Variants in PPP6C observed in about 807,000 individuals in gnomAD.
PPP6C encodes serine/threonine-protein phosphatase 6 catalytic subunit.
Under a neutral mutation model 39.8 loss-of-function variants are expected in PPP6C, and 11 were observed. The observed-to-expected ratio is 0.28, with a 90% CI of 0.17 to 0.46. PPP6C has a LOEUF of 0.46. Among genes scored for constraint, PPP6C ranks in the 20% least tolerant of loss-of-function variants. PPP6C has a pLI of 1.00. For synonymous variants in PPP6C, 129 were observed against 130.3 expected, an observed-to-expected ratio of 0.99 and a Z score of 0.07; for missense variants, 211 against 373.9, an observed-to-expected ratio of 0.56 and a Z score of 3.59.
At chr9:125,181,170 C>T (rs1473765394) in intron 1 of PPP6C, among the ~76,000 whole-genome samples, 2 of 152,160 alleles carry the variant, frequency 1.3e-5, no homozygotes, top group Non-Finnish European at 2.9e-5. Flanking sequence ...ATCAACTACA[C>T]TCACAGCGGC....
intron 1 of PPP6C, chr9:125,188,777 C>T: frequency 4.5e-6 from 1 of 220,096 alleles, no homozygotes; most frequent in Non-Finnish European, 7.8e-6. Context: ...GAGTGAGACT[C>T]TATCTCAGTT....
chr9:125,187,804 A>C (rs887205368), intron 1 of PPP6C, among the ~76,000 whole-genome samples: 9 of 151,974 alleles, frequency 5.9e-5, no homozygotes, highest in African/African-American at 2.2e-4. Context: ...TAGCAGAAAG[A>C]AGCCACAAAA....
rs1829525107 is a variant in PPP6C at position 125,186,074 on chromosome 9, G to GT, written c.75+3569dup. Among the ~76,000 whole-genome samples, 9 of 152,190 alleles carry GT rather than the reference G, an allele frequency of 5.9e-5. 2 individuals carry two copies. Among genetic ancestry groups the GT allele is most frequent in the African/African-American group, 2.2e-4 (9 of 41,452 alleles). On this transcript the variant is annotated intron_variant, in intron 1 of 6. Coordinates refer to ENST00000373547, the MANE Select transcript of PPP6C (RefSeq NM_002721.5). ...AAATTGTGATTAAATCTGGAACATCGTATGCATTTAGTATTTTATCTTCTA... is the reference window on the plus strand; with the variant it reads ...AAATTGTGATTAAATCTGGAACATCGTTATGCATTTAGTATTTTATCTTCTA...
intron 1 of PPP6C, among the ~76,000 whole-genome samples, chr9:125,177,550 GAAAAAGAA>G (rs1353252587): frequency 6.6e-6 from 1 of 151,866 alleles, no homozygotes; most frequent in Non-Finnish European, 1.5e-5. Context: ...GGGAAAAAAA[GAAAAAGAA>G]AAAAAGAAAA....
chr9:125,187,828 G>A lies in PPP6C; in HGVS notation c.75+1816C>T, dbSNP rs1002888176. ...GAAGCCACAAAAGGAATGTCTGAAG[G>A]ACTCAGATGAGCACAAATGCTACAT... On this transcript the variant is annotated intron_variant, in intron 1 of 6. Coordinates refer to ENST00000373547, the MANE Select transcript of PPP6C (RefSeq NM_002721.5). 2.0e-5 allele frequency among the ~76,000 whole-genome samples: 3 copies of A among 151,938 alleles called. No homozygotes were observed. The South Asian group carries it at 6.2e-4, about 32-fold the overall frequency.
rs150040909 is a variant in PPP6C at position 125,179,215 on chromosome 9, C to CAAAAAAAA, written c.76-8043_76-8036dup. Among the ~76,000 whole-genome samples, 81 of 127,316 alleles carry CAAAAAAAA rather than the reference C, an allele frequency of 6.4e-4. 6 individuals carry two copies. Among genetic ancestry groups the CAAAAAAAA allele is most frequent in the East Asian group, 3.3e-3 (13 of 3,990 alleles). The allele number at this position is 127,316 out of a possible 152,430, so 83.5% of individuals were successfully genotyped here. ...AAGCAACAAGAGCGAAACTCCATCTCAAAAAAAAAAGAATTATCTGCATAT... is the reference window on the plus strand; with the variant it reads ...AAGCAACAAGAGCGAAACTCCATCTCAAAAAAAAAAAAAAAAAAGAATTATCTGCATAT... On this transcript the variant is annotated intron_variant, in intron 1 of 6. Transcript: ENST00000373547.
chr9:125,151,019 C>T (rs1835923857), intron 6 of PPP6C: 14 of 1,375,602 alleles, frequency 1.0e-5, no homozygotes, highest in Non-Finnish European at 1.3e-5. Flanking sequence ...CATATTATCA[C>T]CATGGACCTA....
intron 6 of PPP6C, among the ~76,000 whole-genome samples, chr9:125,151,931 T>C (rs1835957333): frequency 1.3e-5 from 2 of 152,226 alleles, no homozygotes; most frequent in South Asian, 4.1e-4. Flanking sequence ...TGCATGTGAA[T>C]GCTTCAGGGT....
At chr9:125,171,489 ATATATATATATATATATATATATATATG>A (rs1829161269) in intron 1 of PPP6C, among the ~76,000 whole-genome samples, 1 of 85,094 alleles carries the variant, frequency 1.2e-5, no homozygotes. Context: ...ATATATATAT[ATATATATATATATATATATATATATATG>A]AAGAAATAAT....
intron 1 of PPP6C, among the ~76,000 whole-genome samples, chr9:125,184,225 A>G (rs1829476794): frequency 6.6e-6 from 1 of 152,038 alleles, no homozygotes; most frequent in Admixed American, 6.6e-5. Flanking sequence ...ATCTTTACCA[A>G]AAATACCAAA....
chr9:125,151,256 G>A (rs1369208103), intron 6 of PPP6C: 8 of 1,501,338 alleles, frequency 5.3e-6, no homozygotes, highest in African/African-American at 2.8e-5. Context: ...CATGGTGCTT[G>A]TGGGAGATGT....
At chr9:125,173,021 A>C (rs1045147963) in intron 1 of PPP6C, among the ~76,000 whole-genome samples, 3 of 152,228 alleles carry the variant, frequency 2.0e-5, no homozygotes, top group Admixed American at 1.3e-4. Flanking sequence ...TCTCGCCTGT[A>C]ATCCCAGCAT....
At chr9:125,184,653 G>A (rs957831435) in intron 1 of PPP6C, among the ~76,000 whole-genome samples, 12 of 151,920 alleles carry the variant, frequency 7.9e-5, no homozygotes, top group African/African-American at 2.9e-4. Flanking sequence ...CACATACAGG[G>A]CAGTGTTCTA....
chr9:125,174,874 T>C (rs1429530865), intron 1 of PPP6C, among the ~76,000 whole-genome samples: 1 of 151,760 alleles, frequency 6.6e-6, no homozygotes, highest in Non-Finnish European at 1.5e-5. Flanking sequence ...ATCGCGCCAC[T>C]GCACTCCAGT....
At position 125,147,616 on chromosome 9, in the gene PPP6C, C is replaced by CCA. The variant is rs1835841494; in HGVS notation, c.*2056_*2057insTG. ...TAAGGAATGGAGAGAATATTATTGG[C>CCA]ACGTGCCCAACTAGTGACAAACAAA... On this transcript the variant is annotated 3_prime_UTR_variant, in exon 7 of 7. Coordinates refer to ENST00000373547, the MANE Select transcript of PPP6C (RefSeq NM_002721.5). The CCA allele has an allele frequency of 6.6e-6, 1 of 152,104 alleles. No individual in the cohort carries two copies. The highest frequency in any genetic ancestry group is 1.5e-5 in the Non-Finnish European group (1 of 68,000). The allele number at this position is 152,104 out of a possible 1,614,324, so 9.4% of individuals were successfully genotyped here. A position where few individuals can be genotyped will look rare whatever the true frequency, so the allele number is the denominator to read the frequency against.
intron 3 of PPP6C, among the ~76,000 whole-genome samples, chr9:125,160,633 G>C (rs1201212535): frequency 6.6e-6 from 1 of 152,186 alleles, no homozygotes; most frequent in African/African-American, 2.4e-5. Context: ...CCAGCCATGT[G>C]AAACTGTTAA....
At chr9:125,183,576 CAG>C (rs1829462960) in intron 1 of PPP6C, among the ~76,000 whole-genome samples, 1 of 152,134 alleles carries the variant, frequency 6.6e-6, no homozygotes, top group Admixed American at 6.6e-5. Context: ...CTAAGTTTAA[CAG>C]CCTACTCTTC....
intron 1 of PPP6C, among the ~76,000 whole-genome samples, chr9:125,178,844 C>G (rs1481250752): frequency 6.6e-6 from 1 of 152,158 alleles, no homozygotes; most frequent in Non-Finnish European, 1.5e-5. Context: ...CACAACCATT[C>G]TGAAAAACTG....
At position 125,152,115 on chromosome 9, in the gene PPP6C, G is replaced by C. The variant is rs369555072; in HGVS notation, c.669+1418C>G. On this transcript the variant is annotated intron_variant, in intron 6 of 6. Coordinates refer to ENST00000373547, the MANE Select transcript of PPP6C (RefSeq NM_002721.5). ...GGCTTGAGCAGCCATGGGGTAGGGGGTGGGGGGTGGTTGAGGGGGGAGGCA... is the reference window on the plus strand; with the variant it reads ...GGCTTGAGCAGCCATGGGGTAGGGGCTGGGGGGTGGTTGAGGGGGGAGGCA... Among the ~76,000 whole-genome samples, 7 of 151,970 alleles carry C rather than the reference G, an allele frequency of 4.6e-5. No homozygotes were observed. In the East Asian group the frequency reaches 5.8e-4, roughly 13 times the overall value.
Sources: gnomAD v4.1 joint callset for allele counts (sites outside exome capture counted in the v4.1 genomes callset) on GRCh38, gnomAD v4.1.1 for gene constraint, MANE v1.5 for transcripts, NCBI Gene and HGNC (gene_info 2026-07-23, HGNC 2026-07-21) for gene names.